ZFHX2: variants seen among roughly 807,000 people sequenced by gnomAD.
The protein encoded by ZFHX2 is zinc finger homeobox 2.
A neutral mutation model predicts 164.8 loss-of-function variants in ZFHX2; 75 were observed. The ratio of observed to expected loss-of-function variants is 0.46; its 90% CI spans 0.38 to 0.55. The LOEUF (loss-of-function observed/expected upper bound fraction) is 0.55. ZFHX2 is among the 20% of genes least tolerant of loss of function. The probability of loss-of-function intolerance (pLI) is 0.00; values close to 1 mark genes in which losing one functional copy is unlikely to be tolerated. For missense variants in ZFHX2, 2,933 were observed against 3,308.0 expected (o/e 0.89, Z 2.78); for synonymous variants, 1,217 against 1,351.4 (o/e 0.90, Z 2.18).
chr14:23,537,650 T>C (rs560218975), intron 1 of ZFHX2, among the ~76,000 whole-genome samples: 17 of 151,312 alleles, frequency 1.1e-4, no homozygotes, highest in African/African-American at 3.9e-4. Flanking sequence ...GATGGGGAGG[T>C]CGGGGGAGTT....
At position 23,533,141 on chromosome 14, in the gene ZFHX2, C is replaced by CT; in HGVS notation, c.2042-58dup. The CT allele has an allele frequency of 1.4e-6, 2 of 1,465,174 alleles. No individual in the cohort carries two copies. Among genetic ancestry groups the CT allele is most frequent in the South Asian group, 1.4e-5 (1 of 72,542 alleles). 90.8% of individuals were successfully genotyped at this position (1,465,174 alleles called of 1,614,324 possible). A position where few individuals can be genotyped will look rare whatever the true frequency, so the allele number is the denominator to read the frequency against. On this transcript the variant is annotated intron_variant, in intron 2 of 9. Transcript: ENST00000419474. The surrounding 1 kb of genome is among the most constrained non-coding windows in gnomAD (Gnocchi z 4.8). ...AAAGAAATGGGGCACGGTTGGTTCT[C>CT]TATGTGGGGAGGTGGGTTAATGAGT...
At chr14:23,542,754 T>C (rs572097706) in intron 1 of ZFHX2, among the ~76,000 whole-genome samples, 1 of 152,234 alleles carries the variant, frequency 6.6e-6, no homozygotes, top group East Asian at 1.9e-4. Flanking sequence ...TCTTTTTTTT[T>C]TTTGGAGATG....
At chr14:23,532,359 T>G in intron 3 of ZFHX2, 1 of 572,196 alleles carries the variant, frequency 1.7e-6, no homozygotes, top group Non-Finnish European at 2.7e-6. Context: ...ATAAAGTCTG[T>G]TTCACTTGTC....
Position 23,535,378 on chromosome 14 carries a change from T to C in ZFHX2, c.-49-4A>G. On this transcript the variant is annotated splice_region_variant and splice_polypyrimidine_tract_variant and intron_variant, in intron 1 of 9. Coordinates refer to ENST00000419474, the MANE Select transcript of ZFHX2 (RefSeq NM_033400.3). This position sits in a 1 kb window ranked among gnomAD's most constrained non-coding sequence, Gnocchi z 4.5. ...TGTCAGCGTGACAGCCAGTACCCTGTAGGGAGACAAGGAGAGAGCAGTGCT... is the reference window on the plus strand; with the variant it reads ...TGTCAGCGTGACAGCCAGTACCCTGCAGGGAGACAAGGAGAGAGCAGTGCT... The C allele has an allele frequency of 7.0e-7, 1 of 1,433,900 alleles. No individual in the cohort carries two copies. The highest frequency in any genetic ancestry group is 9.1e-7 in the Non-Finnish European group (1 of 1,096,786). The allele number at this position is 1,433,900 out of a possible 1,614,324, so 88.8% of individuals were successfully genotyped here.
chr14:23,524,141 G>A lies in ZFHX2; in HGVS notation c.5801C>T (p.Thr1934Ile), dbSNP rs1239078210. 2.6e-6 allele frequency: 4 copies of A among 1,535,974 alleles called. No homozygotes were observed. Among genetic ancestry groups the A allele is most frequent in the Non-Finnish European group, 3.5e-6 (4 of 1,146,830 alleles). ...CTTGGGCAAGGATGCAGGGGTGGCT[G>A]TGGCAGGCGGTTTCACTGCTGGACT... The part of the protein sequence containing the change: ...VPSPAVKPPA[T>I]ATPASLPKFN... The change falls in exon 9 of 10, where the codon ACA becomes ATA. Residue 1934 changes from threonine (T) to isoleucine (I), a missense_variant. Transcript: ENST00000419474. This position sits in a 1 kb window ranked among gnomAD's most constrained non-coding sequence, Gnocchi z 5.6.
At chr14:23,545,688 G>A (rs577130725) in intron 1 of ZFHX2, among the ~76,000 whole-genome samples, 4 of 152,304 alleles carry the variant, frequency 2.6e-5, no homozygotes, top group African/African-American at 9.6e-5. Context: ...GAGAAGAAAG[G>A]CATCTGTGGC....
chr14:23,529,744 G>C lies in ZFHX2; in HGVS notation c.2900C>G (p.Thr967Ser). The C allele has an allele frequency of 6.5e-7, 1 of 1,536,286 alleles. No homozygotes were observed. The highest frequency in any genetic ancestry group is 8.7e-7 in the Non-Finnish European group (1 of 1,146,926). Residue 967 changes from threonine to serine, a missense_variant, in exon 6 of 10, where the codon ACT (threonine) becomes AGT (serine). Thr to Ser is a moderately conservative substitution (Grantham distance 58). Coordinates refer to ENST00000419474, the MANE Select transcript of ZFHX2 (RefSeq NM_033400.3). ...GTTGGCACTGTCTCTGGAAGGGCCA[G>C]TCTTGTTTTCTGTCTCTTCTGAAGC... ...QLASEETENK[T>S]GPSRDSANQT...
upstream of ZFHX2, chr14:23,555,815 G>A (rs890430634): frequency 1.3e-5 from 2 of 152,498 alleles, no homozygotes; most frequent in Non-Finnish European, 2.9e-5. Context: ...GGTGCGGCGG[G>A]GGGTGTTGGA....
intron 1 of ZFHX2, among the ~76,000 whole-genome samples, chr14:23,544,548 T>C (rs1253141433): frequency 1.3e-5 from 2 of 152,212 alleles, no homozygotes; most frequent in African/African-American, 4.8e-5. Flanking sequence ...TCCCAGGCCC[T>C]CCATGTACAC....
rs1022239190 is a variant in ZFHX2, at chr14:23,522,856, G to A, written c.6825C>T (p.Arg2275=). ...TTVVQTAGPG[R]PLPQRPMPDQ... is the part of the protein sequence containing the mutation. ...CGGGCATGGGTCTCTGAGGTAAGGG[G>A]CGGCCTGGGCCAGCAGTCTGGACCA... The change falls in exon 10 of 10, where the codon CGC becomes CGT. Residue 2275 remains arginine (R), a synonymous_variant. Transcript: ENST00000419474. The A allele has an allele frequency of 7.9e-6, 12 of 1,526,504 alleles. No homozygotes were observed. The highest frequency in any genetic ancestry group is 9.6e-6 in the Non-Finnish European group (11 of 1,141,564). The allele number at this position is 1,526,504 out of a possible 1,614,324, so 94.6% of individuals were successfully genotyped here.
intron 4 of ZFHX2, 59 bp from the exon 5 acceptor site, chr14:23,530,253 A>G: frequency 7.6e-7 from 1 of 1,308,898 alleles, no homozygotes; most frequent in Admixed American, 2.0e-5. Context: ...AAGGGAGGAC[A>G]TAGGACAGAG....
intron 1 of ZFHX2, among the ~76,000 whole-genome samples, chr14:23,545,250 G>A (rs1277662378): frequency 6.6e-6 from 1 of 152,152 alleles, no homozygotes; most frequent in Non-Finnish European, 1.5e-5. Context: ...TCCCATAAGG[G>A]TCAAAGCCAG....
chr14:23,522,587 TG>T lies in ZFHX2; in HGVS notation c.7093del (p.Gln2365SerfsTer13). 6.5e-7 allele frequency: 1 copy of T among 1,528,182 alleles called. No individual in the cohort carries two copies. The highest frequency in any genetic ancestry group is 2.5e-5 in the East Asian group (1 of 40,786). The allele number at this position is 1,528,182 out of a possible 1,614,324, so 94.7% of individuals were successfully genotyped here. ...GTAPPAVFGP[Q>X]LQGAYFQQLY... ...CTGTTGGAAGTAGGCCCCCTGTAGCTGGGGGCCAAAGACAGCTGGCGGTGCT... is the reference window on the plus strand; with the variant it reads ...CTGTTGGAAGTAGGCCCCCTGTAGCTGGGGCCAAAGACAGCTGGCGGTGCT... On this transcript the variant is annotated frameshift_variant, in exon 10 of 10. Coordinates refer to ENST00000419474, the MANE Select transcript of ZFHX2 (RefSeq NM_033400.3). LOFTEE classifies it high-confidence loss of function.
Position 23,530,159 on chromosome 14 carries a change from TG to T in ZFHX2, c.2835del (p.Thr946ProfsTer43). On this transcript the variant is annotated frameshift_variant, in exon 5 of 10. Coordinates refer to ENST00000419474, the MANE Select transcript of ZFHX2 (RefSeq NM_033400.3). LOFTEE classifies it high-confidence loss of function. ...KAPVTPLAEP[P>X]TPEKDAQNKT... ...TTGTTCTGGGCATCTTTCTCAGGGG[TG>T]GGTGGCTCAGCTAAGGGGGTGACAG... 6.5e-7 allele frequency: 1 copy of T among 1,535,558 alleles called. No individual in the cohort carries two copies. The highest frequency in any genetic ancestry group is 8.7e-7 in the Non-Finnish European group (1 of 1,146,762).
rs1438297164 is a variant in ZFHX2, at chr14:23,525,789, G to A, written c.4153C>T (p.Pro1385Ser). The change falls in exon 9 of 10, where the codon CCT (proline) becomes TCT (serine). Residue 1385 changes from proline (P) to serine (S), a missense_variant. By Grantham distance (74) the Pro-to-Ser change is moderately conservative. Coordinates refer to ENST00000419474, the MANE Select transcript of ZFHX2 (RefSeq NM_033400.3). This position sits in a 1 kb window ranked among gnomAD's most constrained non-coding sequence, Gnocchi z 5.9. ...GPKLTLAGPA[P>S]VLSLPAATPP... ...GTGGCAGCTGGCAGGGACAGCACAG[G>A]TGCAGGCCCAGCTAGTGTCAGCTTG... 2.0e-6 allele frequency: 3 copies of A among 1,491,484 alleles called. No homozygotes were observed. Among genetic ancestry groups the A allele is most frequent in the African/African-American group, 2.8e-5 (2 of 71,838 alleles). The allele number at this position is 1,491,484 out of a possible 1,614,324, so 92.4% of individuals were successfully genotyped here. A position where few individuals can be genotyped will look rare whatever the true frequency, so the allele number is the denominator to read the frequency against.
In ZFHX2 at chr14:23,525,901, G is replaced by A. The variant is rs535120453; in HGVS notation, c.4041C>T (p.Pro1347=). 13 of 1,461,562 alleles carry A rather than the reference G, an allele frequency of 8.9e-6. No homozygotes were observed. The South Asian group carries it at 1.4e-4, about 16-fold the overall frequency. The allele number at this position is 1,461,562 out of a possible 1,614,324, so 90.5% of individuals were successfully genotyped here. The change falls in exon 9 of 10, where the codon CCC becomes CCT. Residue 1347 remains proline (P), a synonymous_variant. Coordinates refer to ENST00000419474, the MANE Select transcript of ZFHX2 (RefSeq NM_033400.3). This position sits in a 1 kb window ranked among gnomAD's most constrained non-coding sequence, Gnocchi z 5.9. Reference sequence around the variant, plus strand: ...GCAGTGATTCGGGCACCAGAGGGAAGGGGGGCAGGACTGGTGGGGTGAAGA... The same window carrying A: ...GCAGTGATTCGGGCACCAGAGGGAAAGGGGGCAGGACTGGTGGGGTGAAGA... ...APLFTPPVLP[P]FPLVPESLLK...
chr14:23,527,993 G>A lies in ZFHX2; in HGVS notation c.2935-189C>T, dbSNP rs1878996409. Among the ~76,000 whole-genome samples the A allele has an allele frequency of 2.1e-5, 3 of 140,206 alleles. No homozygotes were observed. In the South Asian group the frequency reaches 7.1e-4, roughly 33 times the overall value. The allele number at this position is 140,206 out of a possible 152,430, so 92.0% of individuals were successfully genotyped here. ...GTGATCTCGGCTCACTGCAACCTCC[G>A]CCTTCCAGGTTCAAGCAATTCTCCT... On this transcript the variant is annotated intron_variant, in intron 6 of 9. Coordinates refer to ENST00000419474, the MANE Select transcript of ZFHX2 (RefSeq NM_033400.3).
At chr14:23,554,684 G>C (rs977574183), upstream of ZFHX2, among the ~76,000 whole-genome samples, 8 of 151,548 alleles carry the variant, frequency 5.3e-5, no homozygotes. Flanking sequence ...CAACACACCT[G>C]GCCAAAATGC....
chr14:23,549,746 T>C (rs1005577232), intron 1 of ZFHX2, among the ~76,000 whole-genome samples: 3 of 152,330 alleles, frequency 2.0e-5, no homozygotes, highest in Admixed American at 1.3e-4. Flanking sequence ...CACTGACTGA[T>C]GGAGGGGTTA....
Sources: allele counts gnomAD v4.1 joint callset (sites outside exome capture counted in the v4.1 genomes callset), GRCh38; gene constraint gnomAD v4.1.1; non-coding constraint Gnocchi (gnomAD v3.1); transcripts MANE v1.5; gene names NCBI Gene and HGNC (gene_info 2026-07-23, HGNC 2026-07-21).